Variants in TASOR observed in about 807,000 individuals in gnomAD.
The protein encoded by TASOR is transcription activation suppressor.
A neutral mutation model predicts 178.6 loss-of-function variants in TASOR; 53 were observed. The observed-to-expected ratio is 0.30, with a 90% CI of 0.24 to 0.37. The LOEUF (loss-of-function observed/expected upper bound fraction) is 0.37, where lower values mean the gene tolerates loss of function less well. Among genes scored for constraint, TASOR ranks in the 10% least tolerant of loss-of-function variants. TASOR has a pLI of 1.00. For synonymous variants in TASOR, 713 were observed against 696.2 expected, an observed-to-expected ratio of 1.02 and a Z score of -0.38; for missense variants, 1,815 against 1,971.4, an observed-to-expected ratio of 0.92 and a Z score of 1.50.
intron 7 of TASOR, among the ~76,000 whole-genome samples, chr3:56,665,532 T>C (rs1311442902): frequency 1.3e-5 from 2 of 152,002 alleles, no homozygotes; most frequent in Non-Finnish European, 2.9e-5. Flanking sequence ...AATTTTTTTG[T>C]AGTTTTAGTA....
In TASOR at chr3:56,683,163, T is replaced by TG. The variant is rs991989751; in HGVS notation, c.-158dup. 38 of 764,804 alleles carry TG rather than the reference T, an allele frequency of 5.0e-5. 1 individual carries two copies. Among genetic ancestry groups the TG allele is most frequent in the East Asian group, 2.2e-4 (8 of 36,072 alleles). The allele number at this position is 764,804 out of a possible 1,614,324, so 47.4% of individuals were successfully genotyped here. A position where few individuals can be genotyped will look rare whatever the true frequency, so the allele number is the denominator to read the frequency against. On this transcript the variant is annotated 5_prime_UTR_variant, in exon 1 of 24. Transcript: ENST00000683822. ...CTGCGCTCCCGACCTGGCAGCCTCT[T>TG]GGGGGGCCCTGTAGCGGGCACCCCA...
At chr3:56,643,700 A>T (rs2077175323) in intron 14 of TASOR, among the ~76,000 whole-genome samples, 3 of 151,164 alleles carry the variant, frequency 2.0e-5, no homozygotes, top group African/African-American at 7.3e-5. Context: ...GCTTGCAGTG[A>T]GCCGAGATTG....
In TASOR at chr3:56,646,508, A is replaced by T. The variant is rs746921576; in HGVS notation, c.2215+14T>A. 5 of 1,574,946 alleles carry T rather than the reference A, an allele frequency of 3.2e-6. No individual in the cohort carries two copies. The South Asian group carries it at 3.6e-5, about 11-fold the overall frequency. On this transcript the variant is annotated intron_variant, in intron 14 of 23. Transcript: ENST00000683822. ...TTTATTTTTGGCTGTTATAAGAGCAATCTGATATTTTACCTTCATACAGAT... is the reference window on the plus strand; with the variant it reads ...TTTATTTTTGGCTGTTATAAGAGCATTCTGATATTTTACCTTCATACAGAT...
At chr3:56,649,190 G>T in intron 11 of TASOR, 133 bp from the exon 12 acceptor site, 1 of 531,470 alleles carries the variant, frequency 1.9e-6, no homozygotes, top group Non-Finnish European at 3.2e-6. Flanking sequence ...TATTGCTAAT[G>T]AATTAGTTAA....
rs758530815 is a variant in TASOR at position 56,624,877 on chromosome 3, G to A, written c.4269C>T (p.Ile1423=). 2 of 1,614,156 alleles carry A rather than the reference G, an allele frequency of 1.2e-6. No homozygotes were observed. ...TRNAPELDCL[I]RLQAQNIQQR... ...GCTGTATGTTCTGAGCCTGAAGTCT[G>A]ATAAGGCAATCCAATTCTGGAGCAT... is the stretch of plus-strand genomic sequence containing the variant. Residue 1423 remains isoleucine, a synonymous_variant, in exon 22 of 24, where the codon ATC becomes ATT. Coordinates refer to ENST00000683822, the MANE Select transcript of TASOR (RefSeq NM_001365635.2).
chr3:56,678,903 G>T (rs1873256), intron 1 of TASOR, among the ~76,000 whole-genome samples: 26,212 of 151,656 alleles, frequency 0.17, 2,897 homozygotes, highest in South Asian at 0.41. Flanking sequence ...CCGAACTACT[G>T]GGGGAGGCTA....
chr3:56,668,291 G>C, intron 6 of TASOR, 106 bp downstream of exon 6: 1 of 1,063,042 alleles, frequency 9.4e-7, no homozygotes, highest in African/African-American at 1.6e-5. Context: ...AGACACCAGA[G>C]TCTAGACTAA....
At chr3:56,647,920 C>T (rs895199491) in intron 13 of TASOR, among the ~76,000 whole-genome samples, 1 of 152,048 alleles carries the variant, frequency 6.6e-6, no homozygotes, top group Non-Finnish European at 1.5e-5. Flanking sequence ...CCTCACAGAC[C>T]GGGAATAGTG....
intron 14 of TASOR, among the ~76,000 whole-genome samples, chr3:56,644,616 C>T (rs1380680784): frequency 6.6e-6 from 1 of 151,910 alleles, no homozygotes; most frequent in Non-Finnish European, 1.5e-5. Context: ...CCTTAAAAAG[C>T]AAGTATATAA....
chr3:56,679,967 G>C (rs1262451620), intron 1 of TASOR, among the ~76,000 whole-genome samples: 16 of 152,056 alleles, frequency 1.1e-4, no homozygotes, highest in Admixed American at 1.0e-3. Context: ...ACCAAATGTT[G>C]ATAGTAAACA....
intron 9 of TASOR, 146 bp from the exon 10 acceptor site, chr3:56,661,163 G>A (rs909585202): frequency 1.9e-5 from 12 of 615,756 alleles, no homozygotes; most frequent in African/African-American, 3.7e-5. Context: ...CTTTTGTTTC[G>A]TTTGTGACAG....
chr3:56,621,528 T>TCA lies in TASOR; in HGVS notation c.*1507_*1508dup. 1 of 1,580,076 alleles carries TCA rather than the reference T, an allele frequency of 6.3e-7. No homozygotes were observed. The highest frequency in any genetic ancestry group is 8.6e-7 in the Non-Finnish European group (1 of 1,163,102). On this transcript the variant is annotated 3_prime_UTR_variant, in exon 24 of 24. Transcript: ENST00000683822. ...CTAACAAACATATATCAATGTGATTTCAGGGCCTTCTCCAGAAGCAAAAGG... is the reference window on the plus strand; with the variant it reads ...CTAACAAACATATATCAATGTGATTTCACAGGGCCTTCTCCAGAAGCAAAAGG...
rs756259270 is a variant in TASOR, at chr3:56,641,485, G to T, written c.2483C>A (p.Pro828His). 18 of 1,613,634 alleles carry T rather than the reference G, an allele frequency of 1.1e-5. No homozygotes were observed. The South Asian group carries it at 1.8e-4, about 16-fold the overall frequency. ...TGCATTTTCAACTTTTGCACAAGTA[G>T]GCTGCTCATAGTCTTTCTTATCTGG... ...STPDKKDYEQPTCAKVENAQF... is the reference protein window; with the variant it reads ...STPDKKDYEQHTCAKVENAQF... Residue 828 changes from proline (P) to histidine (H), a missense_variant, in exon 15 of 24, where the codon CCT (proline) becomes CAT (histidine). Physicochemically the swap from Pro to His is moderately conservative, Grantham distance 77. Transcript: ENST00000683822.
intron 14 of TASOR, among the ~76,000 whole-genome samples, chr3:56,644,532 A>G (rs755202385): frequency 6.6e-6 from 1 of 152,206 alleles, no homozygotes; most frequent in African/African-American, 2.4e-5. Context: ...CTAGGCAGAG[A>G]GAGATGACCC....
chr3:56,623,961 GCTTT>G, intron 23 of TASOR: 1 of 767,444 alleles, frequency 1.3e-6, no homozygotes, highest in Non-Finnish European at 2.0e-6. Context: ...GATCATTTCT[GCTTT>G]TTTTCATCAA....
At chr3:56,631,581 TTTG>T (rs1224029243) in intron 18 of TASOR, among the ~76,000 whole-genome samples, 24 of 117,118 alleles carry the variant, frequency 2.0e-4, no homozygotes, top group Non-Finnish European at 3.4e-5. Flanking sequence ...TCTGTGTTTT[TTTG>T]TTTTTTTTTT....
At chr3:56,660,448 G>A (rs956926916) in intron 11 of TASOR, among the ~76,000 whole-genome samples, 8 of 137,968 alleles carry the variant, frequency 5.8e-5, no homozygotes, top group African/African-American at 2.0e-4. Flanking sequence ...CCAAGATCAC[G>A]CCACTGTACT....
rs2076722386 is a variant in TASOR at position 56,623,066 on chromosome 3, A to C, written c.4984T>G (p.Ser1662Ala). 1.8e-5 allele frequency: 28 copies of C among 1,589,834 alleles called. No individual in the cohort carries two copies. The highest frequency in any genetic ancestry group is 2.4e-5 in the Non-Finnish European group (28 of 1,169,384). Residue 1662 changes from serine to alanine, a missense_variant, in exon 24 of 24, where the codon TCT becomes GCT. Physicochemically the swap from Ser to Ala is moderately conservative, Grantham distance 99 (BLOSUM62 1). Around this residue, in one of 5 missense-constraint regions of TASOR, gnomAD observed 278 missense variants for 257.1 expected, o/e 1.08. Transcript: ENST00000683822. Reference sequence around the variant, plus strand: ...TTCTCTTGTGAATATGGCCTGGAAGAATCACTTTTCCCCCAACTTAAGGGA... The same window carrying C: ...TTCTCTTGTGAATATGGCCTGGAAGCATCACTTTTCCCCCAACTTAAGGGA... ...PPPLSWGKSDSSRPYSQEK is the reference protein window; with the variant it reads ...PPPLSWGKSDASRPYSQEK
At chr3:56,658,445 T>C (rs781688158) in intron 11 of TASOR, among the ~76,000 whole-genome samples, 79 of 152,196 alleles carry the variant, frequency 5.2e-4, no homozygotes, top group African/African-American at 2.9e-4. Flanking sequence ...AAGAACCAAA[T>C]AGATTTGTGT....
Sources: gnomAD v4.1 joint callset for allele counts (sites outside exome capture counted in the v4.1 genomes callset) on GRCh38, gnomAD v4.1.1 for gene constraint, gnomAD v4.1.1 regional missense constraint, MANE v1.5 for transcripts, NCBI Gene and HGNC (gene_info 2026-07-23, HGNC 2026-07-21) for gene names.